Variants in SFI1 observed in about 807,000 individuals in gnomAD.
SFI1 encodes SFI1 centrin binding protein.
Under a neutral mutation model 207.5 loss-of-function variants are expected in SFI1, and 195 were observed. That is an observed-to-expected ratio of 0.94 (90% CI 0.84 to 1.06). The LOEUF is 1.06. Ranked by LOEUF, SFI1 falls within the 50% of genes least tolerant of loss-of-function variation. The pLI, the probability that SFI1 is intolerant of heterozygous loss-of-function variation, is 0.00. For synonymous variants in SFI1, 630 were observed against 598.9 expected, an observed-to-expected ratio of 1.05 and a Z score of -0.76; for missense variants, 1,634 against 1,588.0, an observed-to-expected ratio of 1.03 and a Z score of -0.49.
intron 20 of SFI1, chr22:31,606,111 C>G: frequency 1.8e-6 from 1 of 550,728 alleles, no homozygotes; most frequent in Non-Finnish European, 3.3e-6. Context: ...AGTGCTGGGT[C>G]CCTCATGCAC....
Position 31,582,202 on chromosome 22 carries a change from CATTTTATA to C in SFI1, c.1249-1672_1249-1665del, listed in dbSNP as rs376606512. Among the ~76,000 whole-genome samples the C allele has an allele frequency of 8.1e-3, 342 of 42,390 alleles. 32 individuals carry two copies. Among genetic ancestry groups the C allele is most frequent in the African/African-American group, 0.011 (113 of 10,430 alleles). The allele number at this position is 42,390 out of a possible 152,430, so 27.8% of individuals were successfully genotyped here. On this transcript the variant is annotated intron_variant, in intron 12 of 32. Coordinates refer to ENST00000400288, the MANE Select transcript of SFI1 (RefSeq NM_001007467.3). ...TTCCCCCAACAACACTTCTTTATTACATTTTATATATATATATATATATATATATATAT... is the reference window on the plus strand; with the variant it reads ...TTCCCCCAACAACACTTCTTTATTACTATATATATATATATATATATATAT...
At chr22:31,510,550 C>A (rs1177826892) in intron 2 of SFI1, among the ~76,000 whole-genome samples, 1 of 152,108 alleles carries the variant, frequency 6.6e-6, no homozygotes, top group Non-Finnish European at 1.5e-5. Context: ...TCTCCTGCCT[C>A]AGCCTCCCGA....
In SFI1 at chr22:31,615,076, G is replaced by A; in HGVS notation, c.3097G>A (p.Gly1033Ser). The change falls in exon 29 of 33, where the codon GGC (glycine) becomes AGC (serine). Residue 1033 changes from glycine to serine, a missense_variant. Coordinates refer to ENST00000400288, the MANE Select transcript of SFI1 (RefSeq NM_001007467.3). The part of the protein sequence containing the change: ...RPQKPQEHGL[G>S]MAQPAAPSLT... Reference sequence around the variant, plus strand: ...TCAGAAGCCACAGGAACATGGCCTAGGCATGGCTCAGCCAGCAGCCCCCTC... The same window carrying A: ...TCAGAAGCCACAGGAACATGGCCTAAGCATGGCTCAGCCAGCAGCCCCCTC... 2 of 1,609,194 alleles carry A rather than the reference G, an allele frequency of 1.2e-6. No homozygotes were observed. Among genetic ancestry groups the A allele is most frequent in the Non-Finnish European group, 1.7e-6 (2 of 1,177,988 alleles).
At chr22:31,558,029 G>A (rs1170213012) in intron 7 of SFI1, among the ~76,000 whole-genome samples, 1 of 152,146 alleles carries the variant, frequency 6.6e-6, no homozygotes, top group Non-Finnish European at 1.5e-5. Flanking sequence ...AATAGGAGAG[G>A]CTTTGCAGCT....
At chr22:31,602,093 C>A in intron 15 of SFI1, 119 bp from the exon 16 acceptor site, 1 of 842,716 alleles carries the variant, frequency 1.2e-6, no homozygotes, top group Non-Finnish European at 1.9e-6. Context: ...CCACTTAATT[C>A]ACCTCTTATA....
At chr22:31,593,901 G>A (rs1278065085) in intron 15 of SFI1, among the ~76,000 whole-genome samples, 5 of 147,354 alleles carry the variant, frequency 3.4e-5, no homozygotes, top group Admixed American at 3.4e-4. Context: ...AGGAGAATCA[G>A]GCAGGGAGGT....
chr22:31,577,485 A>G (rs1225636749), intron 10 of SFI1, among the ~76,000 whole-genome samples: 1 of 152,142 alleles, frequency 6.6e-6, no homozygotes, highest in Non-Finnish European at 1.5e-5. Context: ...GTAGCTCACT[A>G]CAGTCTTGAA....
chr22:31,507,055 C>T (rs930762432), intron 1 of SFI1, among the ~76,000 whole-genome samples: 2 of 152,112 alleles, frequency 1.3e-5, no homozygotes, highest in Non-Finnish European at 2.9e-5. Context: ...CAGGACAATC[C>T]TAAGCAAAAA....
chr22:31,528,973 T>G, intron 3 of SFI1, 110 bp downstream of exon 3: 1 of 1,067,312 alleles, frequency 9.4e-7, no homozygotes. Flanking sequence ...TGGGAGATCT[T>G]GATGCCTGTT....
At chr22:31,565,727 G>A (rs5749303) in intron 8 of SFI1, among the ~76,000 whole-genome samples, 12,737 of 151,980 alleles carry the variant, frequency 0.084, 930 homozygotes, top group East Asian at 0.38. Context: ...TAAGTAAATG[G>A]TATGGCTTTG....
chr22:31,563,897 A>C (rs2061985991), intron 8 of SFI1, among the ~76,000 whole-genome samples: 1 of 151,580 alleles, frequency 6.6e-6, no homozygotes, highest in Non-Finnish European at 1.5e-5. Context: ...TACACGTCTT[A>C]ATCTACACAG....
chr22:31,560,117 G>A (rs1004927393), intron 7 of SFI1, among the ~76,000 whole-genome samples: 9 of 152,180 alleles, frequency 5.9e-5, no homozygotes, highest in African/African-American at 1.9e-4. Flanking sequence ...AGGTTTTGCA[G>A]TGAGTGCTGC....
chr22:31,499,691 C>T (rs1005718002), intron 1 of SFI1, among the ~76,000 whole-genome samples: 2 of 152,006 alleles, frequency 1.3e-5, no homozygotes, highest in Non-Finnish European at 2.9e-5. Flanking sequence ...GAAGAGAGTC[C>T]ATCGATGTGA....
rs371341546 is a variant in SFI1, at chr22:31,615,198, C to T, written c.3219C>T (p.Pro1073=). 5.7e-6 allele frequency: 9 copies of T among 1,583,480 alleles called. No individual in the cohort carries two copies. The African/African-American group carries it at 9.5e-5, about 17-fold the overall frequency. Residue 1073 remains proline (P), a synonymous_variant, in exon 29 of 33, where the codon CCC becomes CCT. Transcript: ENST00000400288. The part of the protein sequence containing the change: ...ALSSAPGPKQ[P]PTASTGPELL... ...CAAGCGCCCCTGGCCCGAAGCAGCC[C>T]CCGACGGCAAGCACAGGCCCGGAGC...
At chr22:31,554,607 CTTTT>C (rs71202098) in intron 6 of SFI1, among the ~76,000 whole-genome samples, 2 of 133,328 alleles carry the variant, frequency 1.5e-5, no homozygotes, top group Admixed American at 7.6e-5. Context: ...TGCGCCCAGC[CTTTT>C]TTTTTTTTTT....
At position 31,618,195 on chromosome 22, in the gene SFI1, T is replaced by A. The variant is rs1359473268; in HGVS notation, c.3593T>A (p.Val1198Glu). Residue 1198 changes from valine (V) to glutamate (E), a missense_variant, in exon 32 of 33, where the codon GTA becomes GAA. Physicochemically the swap from Val to Glu is moderately radical, Grantham distance 121 (BLOSUM62 -2). Coordinates refer to ENST00000400288, the MANE Select transcript of SFI1 (RefSeq NM_001007467.3). ...GAGCCGGGGCCTGAGGACCAGGAAG[T>A]AGAGCAGCAGGTGCAGAAAGAGCTG... ...REEPGPEDQE[V>E]EQQVQKELEQ... 19 of 1,597,116 alleles carry A rather than the reference T, an allele frequency of 1.2e-5. No homozygotes were observed. Among genetic ancestry groups the A allele is most frequent in the Non-Finnish European group, 1.4e-5 (17 of 1,173,686 alleles).
At chr22:31,519,156 G>A (rs1481046654) in intron 2 of SFI1, among the ~76,000 whole-genome samples, 1 of 152,120 alleles carries the variant, frequency 6.6e-6, no homozygotes, top group Non-Finnish European at 1.5e-5. Flanking sequence ...GTCATGCTTA[G>A]AGGAATGTAT....
Position 31,618,097 on chromosome 22 carries a change from G to A in SFI1, c.3513-18G>A. The A allele has an allele frequency of 6.4e-7, 1 of 1,556,212 alleles. No homozygotes were observed. Among genetic ancestry groups the A allele is most frequent in the East Asian group, 2.4e-5 (1 of 42,424 alleles). ...CAAGGACCCAGCCTGGCAGGCAGTG[G>A]GTATCTCCACCCCTCAGGTCCTGTC... On this transcript the variant is annotated intron_variant, in intron 31 of 32. Transcript: ENST00000400288.
At chr22:31,529,674 A>G (rs2058278155) in intron 3 of SFI1, among the ~76,000 whole-genome samples, 1 of 152,208 alleles carries the variant, frequency 6.6e-6, no homozygotes, top group Non-Finnish European at 1.5e-5. Context: ...CCACAACAAT[A>G]AAGTGAGATT....
Sources: gnomAD v4.1 joint callset for allele counts (sites outside exome capture counted in the v4.1 genomes callset) on GRCh38, gnomAD v4.1.1 for gene constraint, MANE v1.5 for transcripts, NCBI Gene and HGNC (gene_info 2026-07-23, HGNC 2026-07-21) for gene names.